TROAP: variants seen among roughly 807,000 people sequenced by gnomAD.
TROAP encodes the protein tastin.
Under a neutral mutation model 83.4 loss-of-function variants are expected in TROAP, and 62 were observed. The ratio of observed to expected loss-of-function variants is 0.74; its 90% CI spans 0.61 to 0.92. The LOEUF (loss-of-function observed/expected upper bound fraction) is 0.92, where lower values mean the gene tolerates loss of function less well. TROAP is among the 40% of genes least tolerant of loss of function. The pLI is 0.00. For synonymous variants in TROAP, 352 were observed against 386.4 expected, an observed-to-expected ratio of 0.91 and a Z score of 1.04; for missense variants, 876 against 985.1, an observed-to-expected ratio of 0.89 and a Z score of 1.48.
At chr12:49,327,172 T>C in intron 7 of TROAP, 37 bp from the exon 8 acceptor site, 1 of 1,612,584 alleles carries the variant, frequency 6.2e-7, no homozygotes, top group Non-Finnish European at 8.5e-7. Flanking sequence ...TTGGTGGGTG[T>C]TCTAGAGTCT....
chr12:49,327,481 C>T, intron 8 of TROAP, 151 bp downstream of exon 8: 3 of 1,035,492 alleles, frequency 2.9e-6, no homozygotes, highest in Non-Finnish European at 4.2e-6. Flanking sequence ...CAGATGCACC[C>T]AGTCCCTCTC....
rs747547078 is a variant in TROAP at position 49,330,705 on chromosome 12, G to A, written c.1860G>A (p.Gly620=). Reference sequence around the variant, plus strand: ...AGCCCTGCCCTCCAGCAGAACCCGGGCCCCTTCAGCCCAGCACCCAGGGGC... The same window carrying A: ...AGCCCTGCCCTCCAGCAGAACCCGGACCCCTTCAGCCCAGCACCCAGGGGC... ...VPEPCPPAEP[G]PLQPSTQGQS... is the part of the protein sequence containing the mutation. Residue 620 remains glycine (G), a synonymous_variant, in exon 13 of 15, where the codon GGG becomes GGA. Coordinates refer to ENST00000257909, the MANE Select transcript of TROAP (RefSeq NM_005480.4). 5 of 1,614,060 alleles carry A rather than the reference G, an allele frequency of 3.1e-6. No individual in the cohort carries two copies. Among genetic ancestry groups the A allele is most frequent in the Non-Finnish European group, 3.4e-6 (4 of 1,180,000 alleles).
At chr12:49,327,935 G>A (rs1943524651) in intron 8 of TROAP, among the ~76,000 whole-genome samples, 2 of 152,094 alleles carry the variant, frequency 1.3e-5, no homozygotes, top group Non-Finnish European at 2.9e-5. Flanking sequence ...AGTGAGATAT[G>A]TTGATATCTG....
chr12:49,329,346 G>A lies in TROAP; in HGVS notation c.1105-49G>A, dbSNP rs770520530. 1.9e-6 allele frequency: 3 copies of A among 1,613,064 alleles called. No homozygotes were observed. The highest frequency in any genetic ancestry group is 2.5e-6 in the Non-Finnish European group (3 of 1,179,132). The stretch of plus-strand genomic sequence containing the variant: ...GAAGACAGAAGCAAGGGGAGGCTGA[G>A]TGCCATCTGTGGGTGTCAGCCCTTG... On this transcript the variant is annotated intron_variant, in intron 10 of 14. Transcript: ENST00000257909. The surrounding 1 kb of genome is among the most constrained non-coding windows in gnomAD (Gnocchi z 4.5).
rs1943559280 is a variant in TROAP at position 49,330,308 on chromosome 12, C to T, written c.1463C>T (p.Thr488Ile). ...AATGCCACAGAGCATAACTCTGGGA[C>T]TTCCCACCTTCCTGGACTGTTAAAA... Reference protein sequence around the residue: ...TLNATEHNSGTSHLPGLLKHS... With the variant: ...TLNATEHNSGISHLPGLLKHS... Residue 488 changes from threonine to isoleucine, a missense_variant, in exon 13 of 15, where the codon ACT becomes ATT. Physicochemically the swap from Thr to Ile is moderately conservative, Grantham distance 89 (BLOSUM62 -1). This residue lies in a region of TROAP where 689 missense variants were observed against 722.6 expected (regional missense o/e 0.95). Transcript: ENST00000257909. The T allele has an allele frequency of 5.0e-6, 8 of 1,614,152 alleles. No homozygotes were observed. The highest frequency in any genetic ancestry group is 6.8e-6 in the Non-Finnish European group (8 of 1,179,994).
At chr12:49,328,611 T>C (rs928289951) in intron 8 of TROAP, among the ~76,000 whole-genome samples, 1 of 151,840 alleles carries the variant, frequency 6.6e-6, no homozygotes. Context: ...ACTCCTGTAA[T>C]CCCAGCACTT....
chr12:49,325,456 C>T (rs763031508), intron 3 of TROAP, 45 bp from the exon 4 acceptor site: 1 of 1,592,212 alleles, frequency 6.3e-7, no homozygotes, highest in Admixed American at 1.7e-5. Context: ...GGCCCTATCC[C>T]CCTCAGCCTT....
rs768511094 is a variant in TROAP, at chr12:49,330,297, T to C, written c.1452T>C (p.His484=). 1.2e-6 allele frequency: 2 copies of C among 1,612,016 alleles called. No homozygotes were observed. Among genetic ancestry groups the C allele is most frequent in the South Asian group, 2.2e-5 (2 of 91,086 alleles). Residue 484 remains histidine (H), a synonymous_variant, in exon 13 of 15, where the codon CAT becomes CAC. Transcript: ENST00000257909. ...CTAGAACTCTGAATGCCACAGAGCA[T>C]AACTCTGGGACTTCCCACCTTCCTG... ...EISRTLNATE[H]NSGTSHLPGL...
chr12:49,331,105 A>T (rs747831828), intron 13 of TROAP, 109 bp from the exon 14 acceptor site: 1 of 1,548,726 alleles, frequency 6.5e-7, no homozygotes, highest in Non-Finnish European at 8.8e-7. Flanking sequence ...CTGCACTTCC[A>T]GCCCTGTGCT....
Position 49,325,662 on chromosome 12 carries a change from A to G in TROAP, c.495+4A>G, listed in dbSNP as rs970551065. ...AGGCACCACCCAGAGGGTCCAGGTA[A>G]TGAAACAGGATGTGAGGAGACCAGG... is the stretch of plus-strand genomic sequence containing the variant. On this transcript the variant is annotated splice_donor_region_variant and intron_variant, in intron 4 of 14. Transcript: ENST00000257909. 63 of 1,613,488 alleles carry G rather than the reference A, an allele frequency of 3.9e-5. No individual in the cohort carries two copies. Among genetic ancestry groups the G allele is most frequent in the Non-Finnish European group, 4.9e-5 (58 of 1,179,930 alleles).
At chr12:49,325,706 G>A in intron 4 of TROAP, 41 bp from the exon 5 acceptor site, 3 of 1,612,828 alleles carry the variant, frequency 1.9e-6, no homozygotes, top group Non-Finnish European at 2.5e-6. Flanking sequence ...CACTGAGGGG[G>A]GCATCCTGAG....
Position 49,325,056 on chromosome 12 carries a change from G to C in TROAP, c.338-445G>C, listed in dbSNP as rs951248348. Reference sequence around the variant, plus strand: ...CTCCTGAGTAGCTGGTACTACAGGCGCGCGCCACCAGGTCCAGCTAATTTT... The same window carrying C: ...CTCCTGAGTAGCTGGTACTACAGGCCCGCGCCACCAGGTCCAGCTAATTTT... On this transcript the variant is annotated intron_variant, in intron 3 of 14. Coordinates refer to ENST00000257909, the MANE Select transcript of TROAP (RefSeq NM_005480.4). Among the ~76,000 whole-genome samples, 46 of 151,508 alleles carry C rather than the reference G, an allele frequency of 3.0e-4. 1 individual carries two copies. The East Asian group carries it at 3.9e-3, about 13-fold the overall frequency.
Position 49,329,253 on chromosome 12 carries a change from G to A in TROAP, c.1104+9G>A, listed in dbSNP as rs1236992340. The A allele has an allele frequency of 1.2e-6, 2 of 1,614,236 alleles. No individual in the cohort carries two copies. The highest frequency in any genetic ancestry group is 1.1e-5 in the South Asian group (1 of 91,086). On this transcript the variant is annotated intron_variant, in intron 10 of 14. Transcript: ENST00000257909. This position sits in a 1 kb window ranked among gnomAD's most constrained non-coding sequence, Gnocchi z 4.5. ...CCCCCAGAGTTCAGCAGGTAAGAGAGGGCATGGAGAGGTGGCTGGCATAAG... is the reference window on the plus strand; with the variant it reads ...CCCCCAGAGTTCAGCAGGTAAGAGAAGGCATGGAGAGGTGGCTGGCATAAG...
rs1370980320 is a variant in TROAP, at chr12:49,326,140, A to G, written c.698A>G (p.Glu233Gly). ...CCCAGTTTCCAGGAGCTAAGAAGGGAGACAGCTGGCAGCAGCCGGTGAGAA... is the reference window on the plus strand; with the variant it reads ...CCCAGTTTCCAGGAGCTAAGAAGGGGGACAGCTGGCAGCAGCCGGTGAGAA... ...TRPSFQELRR[E>G]TAGSSRTSVS... is the part of the protein sequence containing the mutation. Residue 233 changes from glutamate (E) to glycine (G), a missense_variant, in exon 6 of 15, where the codon GAG (glutamate) becomes GGG (glycine). By Grantham distance (98) the Glu-to-Gly change is moderately conservative (BLOSUM62 -2). Around this residue, in one of 3 missense-constraint regions of TROAP, gnomAD observed 689 missense variants for 722.6 expected, o/e 0.95. Transcript: ENST00000257909. 1.2e-6 allele frequency: 2 copies of G among 1,613,956 alleles called. No homozygotes were observed. The highest frequency in any genetic ancestry group is 1.7e-6 in the Non-Finnish European group (2 of 1,180,006).
At position 49,327,228 on chromosome 12, in the gene TROAP, A is replaced by G. The variant is rs1337109030; in HGVS notation, c.789A>G (p.Gly263=). Reference sequence around the variant, plus strand: ...TCCTAGCTTTCTCTCTTCCTAAAGGAGAACGCGAGGTTGTCACTCACTCAG... The same window carrying G: ...TCCTAGCTTTCTCTCTTCCTAAAGGGGAACGCGAGGTTGTCACTCACTCAG... ...PVQPAFSLPK[G]EREVVTHSDE... Residue 263 remains glycine (G), a synonymous_variant, in exon 8 of 15, where the codon GGA becomes GGG. Coordinates refer to ENST00000257909, the MANE Select transcript of TROAP (RefSeq NM_005480.4). 2 of 1,614,168 alleles carry G rather than the reference A, an allele frequency of 1.2e-6. No homozygotes were observed. The highest frequency in any genetic ancestry group is 1.3e-5 in the African/African-American group (1 of 75,056).
chr12:49,324,384 C>T (rs1943462030), intron 3 of TROAP: 1 of 506,598 alleles, frequency 2.0e-6, no homozygotes, highest in African/African-American at 2.0e-5. Flanking sequence ...ATCACTTCTT[C>T]TGAAGCCTTT....
At chr12:49,326,293 C>A in intron 6 of TROAP, 135 bp downstream of exon 6, 2 of 866,962 alleles carry the variant, frequency 2.3e-6, no homozygotes, top group East Asian at 2.6e-5. Context: ...AGCAAGAAAC[C>A]TGTGATTACC....
At chr12:49,328,024 T>C (rs117478363) in intron 8 of TROAP, among the ~76,000 whole-genome samples, 1,926 of 151,714 alleles carry the variant, frequency 0.013, 22 homozygotes, top group East Asian at 0.027. Flanking sequence ...TGTTTGAGGA[T>C]CAGCAAAAAG....
At position 49,326,084 on chromosome 12, in the gene TROAP, T is replaced by C. The variant is rs1467677825; in HGVS notation, c.642T>C (p.Pro214=). The change falls in exon 6 of 15, where the codon CCT becomes CCC. Residue 214 remains proline, a synonymous_variant. Transcript: ENST00000257909. ...CPQRLQALIS[P]SGPSFHPSTR... is the part of the protein sequence containing the mutation. ...TTGCTCCTGTGGATCAGATTTCACC[T>C]TCAGGACCTTCCTTTCACCCTTCCA... The C allele has an allele frequency of 1.2e-6, 2 of 1,613,758 alleles. No individual in the cohort carries two copies.
Sources: allele counts gnomAD v4.1 joint callset (sites outside exome capture counted in the v4.1 genomes callset), GRCh38; gene constraint gnomAD v4.1.1; regional missense constraint gnomAD v4.1.1; non-coding constraint Gnocchi (gnomAD v3.1); transcripts MANE v1.5; gene names NCBI Gene and HGNC (gene_info 2026-07-23, HGNC 2026-07-21).